PSPC1: variants seen among roughly 807,000 people sequenced by gnomAD.
PSPC1 encodes paraspeckle component 1.
In PSPC1, 14 loss-of-function variants were observed where a neutral mutation model predicts 51.6. That is an observed-to-expected ratio of 0.27 (90% confidence interval 0.18 to 0.42). The LOEUF is 0.42. PSPC1 is among the 10% of genes least tolerant of loss of function. PSPC1 has a pLI of 1.00. For missense variants in PSPC1, 406 were observed against 701.1 expected, an observed-to-expected ratio of 0.58 and a Z score of 4.75; for synonymous variants, 193 against 231.9, an observed-to-expected ratio of 0.83 and a Z score of 1.53.
At chr13:19,712,912 T>C (rs936454851) in intron 6 of PSPC1, among the ~76,000 whole-genome samples, 3 of 152,194 alleles carry the variant, frequency 2.0e-5, no homozygotes, top group Non-Finnish European at 4.4e-5. Context: ...TTCCTAGTCA[T>C]GTCTTCAGGC....
At chr13:19,686,521 G>A (rs935389890) in intron 6 of PSPC1, among the ~76,000 whole-genome samples, 1 of 152,194 alleles carries the variant, frequency 6.6e-6, no homozygotes, top group African/African-American at 2.4e-5. Context: ...ACTTCTGGAA[G>A]GATACACCAG....
In PSPC1 at chr13:19,732,289, A is replaced by G. The variant is rs537872766; in HGVS notation, c.1053-1945T>C. 3.9e-5 allele frequency among the ~76,000 whole-genome samples: 6 copies of G among 152,332 alleles called. No homozygotes were observed. In the South Asian group the frequency reaches 1.0e-3, roughly 26 times the overall value. On this transcript the variant is annotated intron_variant, in intron 5 of 8. Transcript: ENST00000338910. ...TTTCCTGGATATTAACACATTTCATATATTTTACTGTGAAGAAAGTACTTC... is the reference window on the plus strand; with the variant it reads ...TTTCCTGGATATTAACACATTTCATGTATTTTACTGTGAAGAAAGTACTTC...
At chr13:19,690,548 T>C (rs1878427954) in intron 6 of PSPC1, among the ~76,000 whole-genome samples, 1 of 152,242 alleles carries the variant, frequency 6.6e-6, no homozygotes, top group Non-Finnish European at 1.5e-5. Flanking sequence ...CCTACTTTCC[T>C]GGAGAAACCT....
At chr13:19,764,153 G>T (rs1887840353) in intron 2 of PSPC1, among the ~76,000 whole-genome samples, 1 of 152,072 alleles carries the variant, frequency 6.6e-6, no homozygotes, top group East Asian at 1.9e-4. Context: ...AACTTAAATA[G>T]CAAGTATTGC....
In PSPC1 at chr13:19,751,878, A is replaced by C. The variant is rs553156642; in HGVS notation, c.771-411T>G. Among the ~76,000 whole-genome samples, 47 of 152,180 alleles carry C rather than the reference A, an allele frequency of 3.1e-4. No homozygotes were observed. The South Asian group carries it at 4.4e-3, about 14-fold the overall frequency. Reference sequence around the variant, plus strand: ...CAAGACCATCCTGGCTAACGTTGTGAAATCCCGTCTCTACTAAAAATACAA... The same window carrying C: ...CAAGACCATCCTGGCTAACGTTGTGCAATCCCGTCTCTACTAAAAATACAA... On this transcript the variant is annotated intron_variant, in intron 3 of 8. Transcript: ENST00000338910.
intron 1 of PSPC1, among the ~76,000 whole-genome samples, chr13:19,778,215 G>A (rs1383401469): frequency 7.3e-5 from 11 of 151,328 alleles, no homozygotes; most frequent in East Asian, 3.9e-4. Flanking sequence ...GCACTCCAAC[G>A]TGGTGACAGA....
intron 1 of PSPC1, among the ~76,000 whole-genome samples, chr13:19,780,759 A>G (rs1469435491): frequency 6.7e-6 from 1 of 150,242 alleles, no homozygotes; most frequent in Admixed American, 6.7e-5. Context: ...CTATTGTCCC[A>G]TGACCCTGCC....
At chr13:19,765,021 T>C (rs902196897) in intron 2 of PSPC1, among the ~76,000 whole-genome samples, 29 of 152,130 alleles carry the variant, frequency 1.9e-4, no homozygotes, top group Admixed American at 3.3e-4. Flanking sequence ...ATCACCCTTA[T>C]AGACATGTAC....
At chr13:19,770,686 G>T (rs1175023753) in intron 2 of PSPC1, among the ~76,000 whole-genome samples, 1 of 151,950 alleles carries the variant, frequency 6.6e-6, no homozygotes, top group African/African-American at 2.4e-5. Context: ...TACTCGGGAG[G>T]CTGAGGCAGG....
chr13:19,774,294 TAAG>T (rs1047999136), intron 1 of PSPC1, among the ~76,000 whole-genome samples: 37 of 152,222 alleles, frequency 2.4e-4, no homozygotes, highest in African/African-American at 7.2e-4. Flanking sequence ...TATGTATATG[TAAG>T]AAGAATACAA....
chr13:19,762,458 GC>G (rs1355925813), intron 2 of PSPC1, among the ~76,000 whole-genome samples: 3 of 152,202 alleles, frequency 2.0e-5, no homozygotes, highest in Non-Finnish European at 2.9e-5. Flanking sequence ...TACTCGGGAG[GC>G]TGAGGCAGTA....
chr13:19,712,954 T>G (rs1041023573), intron 6 of PSPC1, among the ~76,000 whole-genome samples: 10 of 152,098 alleles, frequency 6.6e-5, no homozygotes, highest in Admixed American at 2.6e-4. Context: ...CGCTACAAAC[T>G]TCTAGTAAAA....
chr13:19,694,900 T>C (rs1879023792), intron 6 of PSPC1, among the ~76,000 whole-genome samples: 1 of 152,240 alleles, frequency 6.6e-6, no homozygotes, highest in African/African-American at 2.4e-5. Context: ...TAGCTGTCAT[T>C]TTCTCTACTG....
At chr13:19,698,085 C>T (rs1302594400), downstream of PSPC1, among the ~76,000 whole-genome samples, 1 of 151,948 alleles carries the variant, frequency 6.6e-6, no homozygotes, top group African/African-American at 2.4e-5. Context: ...TGCCCTTTTG[C>T]ATAAAAGCAG....
At chr13:19,756,994 G>T (rs2138179176) in intron 3 of PSPC1, among the ~76,000 whole-genome samples, 1 of 152,090 alleles carries the variant, frequency 6.6e-6, no homozygotes, top group African/African-American at 2.4e-5. Context: ...GCCGGGCATG[G>T]TGGCACGTGC....
chr13:19,741,597 T>G lies in PSPC1; in HGVS notation c.1020A>C (p.Gln340His), dbSNP rs1450797175. 6.2e-7 allele frequency: 1 copy of G among 1,605,714 alleles called. No homozygotes were observed. The highest frequency in any genetic ancestry group is 1.3e-5 in the African/African-American group (1 of 74,690). The change falls in exon 5 of 9, where the codon CAA becomes CAC. Residue 340 changes from glutamine (Q) to histidine (H), a missense_variant. Physicochemically the swap from Gln to His is conservative, Grantham distance 24. Around this residue, in one of 5 missense-constraint regions of PSPC1, gnomAD observed 180 missense variants for 337.9 expected, o/e 0.53. Transcript: ENST00000338910. ...GTATTTGCTTCCGTTTTTGCAACTC[T>G]TGGTTTCTGAGTTCTTCCAAGCGTC... Reference protein sequence around the residue: ...ELRRLEELRNQELQKRKQIQL... With the variant: ...ELRRLEELRNHELQKRKQIQL...
At chr13:19,671,265 G>A (rs1240683975), downstream of PSPC1, 2 of 1,613,728 alleles carry the variant, frequency 1.2e-6, no homozygotes, top group Non-Finnish European at 1.7e-6. Flanking sequence ...TCTTCATAAG[G>A]TTGACAGAAG....
At chr13:19,673,424 A>G (rs976648224), downstream of PSPC1, 3 of 239,858 alleles carry the variant, frequency 1.3e-5, no homozygotes, top group East Asian at 1.0e-4. Context: ...GGTTTTGTCA[A>G]TAAAACACTA....
chr13:19,684,045 TAGAA>T, intron 6 of PSPC1, among the ~76,000 whole-genome samples: 1 of 152,308 alleles, frequency 6.6e-6, no homozygotes, highest in South Asian at 2.1e-4. Flanking sequence ...GAATGGATCT[TAGAA>T]TATCTGTCTG....
Sources: allele counts gnomAD v4.1 joint callset (sites outside exome capture counted in the v4.1 genomes callset), GRCh38; gene constraint gnomAD v4.1.1; regional missense constraint gnomAD v4.1.1; transcripts MANE v1.5; gene names NCBI Gene and HGNC (gene_info 2026-07-23, HGNC 2026-07-21).